The following OPRM1 variants were observed in gnomAD, a reference collection of about 807,000 sequenced individuals.
OPRM1 encodes the protein opioid receptor mu 1.
OPRM1 carries 27 observed loss-of-function variants against 31.8 expected under a neutral mutation model. The observed-to-expected ratio is 0.85, with a 90% confidence interval of 0.63 to 1.17. The LOEUF (loss-of-function observed/expected upper bound fraction) is 1.17, where lower values mean the gene tolerates loss of function less well. Ranked by LOEUF, OPRM1 falls within the 50% of genes most tolerant of loss-of-function variation. The pLI is 0.00. For synonymous variants in OPRM1, 196 were observed against 189.9 expected, an observed-to-expected ratio of 1.03 and a Z score of -0.26; for missense variants, 536 against 511.1, an observed-to-expected ratio of 1.05 and a Z score of -0.47.
rs1469456417 is a variant in OPRM1, at chr6:154,100,065, C to CATATT, written c.1164+8595_1164+8596insATTAT. On this transcript the variant is annotated intron_variant, in intron 3 of 3. Coordinates refer to ENST00000330432, the MANE Select transcript of OPRM1 (RefSeq NM_000914.5). ...ATGATATATATCATATGATATATAT[C>CATATT]ATGATATATATCATATTATATATTA... 2.3e-5 allele frequency among the ~76,000 whole-genome samples: 3 copies of CATATT among 129,422 alleles called. 1 individual carries two copies. The East Asian group carries it at 6.9e-4, about 30-fold the overall frequency. 84.9% of individuals were successfully genotyped at this position (129,422 alleles called of 152,430 possible).
At chr6:154,191,397 G>A (rs1012843339) in intron 3 of OPRM1, among the ~76,000 whole-genome samples, 2 of 152,116 alleles carry the variant, frequency 1.3e-5, no homozygotes, top group African/African-American at 2.4e-5. Context: ...CCCCATGCCA[G>A]GCGCGGTGGC....
At chr6:154,235,879 A>ATAAT (rs1485775752) in intron 3 of OPRM1, among the ~76,000 whole-genome samples, 1 of 152,216 alleles carries the variant, frequency 6.6e-6, no homozygotes, top group East Asian at 1.9e-4. Context: ...GCGACTGTAA[A>ATAAT]TAATTAATTA....
intron 1 of OPRM1, among the ~76,000 whole-genome samples, chr6:154,067,132 C>T (rs1478023989): frequency 2.0e-5 from 3 of 150,482 alleles, no homozygotes; most frequent in South Asian, 2.1e-4. Flanking sequence ...TTTTTGTCTT[C>T]GTTCACTTTC....
chr6:154,230,781 T>G (rs1287976576), intron 3 of OPRM1, among the ~76,000 whole-genome samples: 2 of 152,168 alleles, frequency 1.3e-5, no homozygotes, highest in Non-Finnish European at 2.9e-5. Flanking sequence ...GAAGACACCT[T>G]AGAATCTATG....
intron 1 of OPRM1, among the ~76,000 whole-genome samples, chr6:154,075,777 G>C (rs1787774939): frequency 6.6e-6 from 1 of 152,164 alleles, no homozygotes; most frequent in African/African-American, 2.4e-5. Flanking sequence ...CCACCTCTGA[G>C]AGACTTCCCA....
chr6:154,026,218 A>T (rs924580329), intron 1 of OPRM1, among the ~76,000 whole-genome samples: 12 of 144,882 alleles, frequency 8.3e-5, no homozygotes, highest in Admixed American at 2.0e-4. Context: ...AATAGGGTAA[A>T]TTTTTTTTTT....
At chr6:154,055,074 T>C (rs1468053645) in intron 1 of OPRM1, among the ~76,000 whole-genome samples, 4 of 152,220 alleles carry the variant, frequency 2.6e-5, no homozygotes, top group Non-Finnish European at 4.4e-5. Flanking sequence ...ATAAAAAATA[T>C]GTGGTCAACT....
chr6:154,035,555 A>C (rs563898953), upstream of OPRM1, among the ~76,000 whole-genome samples: 2 of 152,142 alleles, frequency 1.3e-5, no homozygotes, highest in Non-Finnish European at 2.9e-5. Context: ...TGTTTCCTGC[A>C]TAGTATTTAT....
intron 3 of OPRM1, among the ~76,000 whole-genome samples, chr6:154,115,439 C>T (rs1796762557): frequency 6.6e-6 from 1 of 152,118 alleles, no homozygotes; most frequent in African/African-American, 2.4e-5. Flanking sequence ...ACTCGGGAGA[C>T]TGAGGTGGGA....
chr6:154,174,603 A>G (rs909509440), intron 3 of OPRM1, among the ~76,000 whole-genome samples: 1 of 152,226 alleles, frequency 6.6e-6, no homozygotes, highest in Non-Finnish European at 1.5e-5. Flanking sequence ...AAAGAGCTCA[A>G]TTCAACAAGA....
Position 154,080,074 on chromosome 6 carries a change from T to A in OPRM1, c.291-9752T>A, listed in dbSNP as rs576265736. ...AATTTATTTATTTTTATTGATATTT[T>A]ACATAATTTTTTAGTTTGCAAATTG... On this transcript the variant is annotated intron_variant, in intron 1 of 3. Transcript: ENST00000330432. 5.3e-5 allele frequency among the ~76,000 whole-genome samples: 8 copies of A among 152,318 alleles called. No individual in the cohort carries two copies. In the East Asian group the frequency reaches 1.5e-3, roughly 29 times the overall value.
intron 3 of OPRM1, among the ~76,000 whole-genome samples, chr6:154,102,782 A>G (rs1302867368): frequency 1.3e-5 from 2 of 152,200 alleles, no homozygotes. Context: ...AGAAACATTA[A>G]GGTCCAATTA....
chr6:154,106,732 G>A (rs1407421035), intron 3 of OPRM1, among the ~76,000 whole-genome samples: 1 of 151,954 alleles, frequency 6.6e-6, no homozygotes, highest in Non-Finnish European at 1.5e-5. Context: ...AATCTTCTTT[G>A]TATAGCTAGG....
chr6:154,020,433 T>G (rs938715799), intron 1 of OPRM1, among the ~76,000 whole-genome samples: 3 of 152,140 alleles, frequency 2.0e-5, no homozygotes, highest in Non-Finnish European at 4.4e-5. Context: ...ATCCCTAATG[T>G]CTAAAGTCCC....
chr6:154,191,003 C>T (rs1801830891), intron 3 of OPRM1, among the ~76,000 whole-genome samples: 1 of 151,980 alleles, frequency 6.6e-6, no homozygotes, highest in African/African-American at 2.4e-5. Context: ...TTTCACTGAG[C>T]CGAGATCGCG....
Position 154,120,502 on chromosome 6 carries a change from T to C in OPRM1, c.*1781T>C, listed in dbSNP as rs1797244987. On this transcript the variant is annotated 3_prime_UTR_variant, in exon 4 of 4. Transcript: ENST00000330432. Reference sequence around the variant, plus strand: ...GACATACATTATGTTTAATTTTTTATATTTTCTGACAAAAGTAACTAAAAC... The same window carrying C: ...GACATACATTATGTTTAATTTTTTACATTTTCTGACAAAAGTAACTAAAAC... Among the ~76,000 whole-genome samples the C allele has an allele frequency of 6.6e-6, 1 of 152,224 alleles. No homozygotes were observed. Among genetic ancestry groups the C allele is most frequent in the African/African-American group, 2.4e-5 (1 of 41,470 alleles).
upstream of OPRM1, among the ~76,000 whole-genome samples, chr6:154,035,725 G>A (rs143051429): frequency 5.7e-3 from 863 of 152,210 alleles, 6 homozygotes; most frequent in African/African-American, 0.02. Context: ...GTGACTTTTA[G>A]CACTTTCCTG....
chr6:154,150,777 C>T (rs1798480291), intron 3 of OPRM1, among the ~76,000 whole-genome samples: 1 of 152,254 alleles, frequency 6.6e-6, no homozygotes, highest in African/African-American at 2.4e-5. Flanking sequence ...GTTTAATCTT[C>T]TTTGAAATTC....
chr6:154,152,430 C>T (rs1417357731), intron 3 of OPRM1, among the ~76,000 whole-genome samples: 1 of 151,470 alleles, frequency 6.6e-6, no homozygotes, highest in East Asian at 1.9e-4. Flanking sequence ...CAGGTCAGGA[C>T]CAATGAAATT....
Sources: gnomAD v4.1 joint callset for allele counts (sites outside exome capture counted in the v4.1 genomes callset) on GRCh38, gnomAD v4.1.1 for gene constraint, MANE v1.5 for transcripts, NCBI Gene and HGNC (gene_info 2026-07-23, HGNC 2026-07-21) for gene names.